The following EPS15 variants were observed in gnomAD, a reference collection of about 807,000 sequenced individuals.
The protein encoded by EPS15 is epidermal growth factor receptor substrate 15.
In EPS15, 72 loss-of-function variants were observed where a neutral mutation model predicts 113.8. That is an observed-to-expected ratio of 0.63 (90% confidence interval 0.52 to 0.77). The LOEUF is 0.77. EPS15 is among the 30% of genes least tolerant of loss of function. The probability of loss-of-function intolerance (pLI) is 0.00; values close to 1 mark genes in which losing one functional copy is unlikely to be tolerated. For synonymous variants in EPS15, 344 were observed against 363.4 expected (o/e 0.95, Z 0.61); for missense variants, 1,048 against 1,045.8 (o/e 1.00, Z -0.03).
chr1:51,395,713 A>C (rs1267185862), intron 20 of EPS15, among the ~76,000 whole-genome samples: 3 of 152,218 alleles, frequency 2.0e-5, no homozygotes, highest in Non-Finnish European at 4.4e-5. Context: ...ATAGTCAAAC[A>C]AATTGTATAT....
intron 20 of EPS15, among the ~76,000 whole-genome samples, chr1:51,398,537 G>A (rs1484979326): frequency 6.6e-6 from 1 of 152,244 alleles, no homozygotes; most frequent in Non-Finnish European, 1.5e-5. Context: ...GATCAGGCAT[G>A]TGGTTATTAA....
intron 6 of EPS15, among the ~76,000 whole-genome samples, chr1:51,464,351 T>C (rs1245690394): frequency 6.6e-6 from 1 of 151,740 alleles, no homozygotes; most frequent in Non-Finnish European, 1.5e-5. Flanking sequence ...GCGATTCTCC[T>C]GCCTCAGCCT....
chr1:51,513,717 A>G (rs1347414591), intron 1 of EPS15, among the ~76,000 whole-genome samples: 1 of 152,220 alleles, frequency 6.6e-6, no homozygotes, highest in Non-Finnish European at 1.5e-5. Flanking sequence ...GATGATAATA[A>G]TAGCTTAGTT....
intron 1 of EPS15, among the ~76,000 whole-genome samples, chr1:51,511,771 G>A (rs563566798): frequency 1.4e-4 from 21 of 152,196 alleles, no homozygotes; most frequent in African/African-American, 4.3e-4. Context: ...TAATATAAAC[G>A]TCTTCCTCCA....
intron 1 of EPS15, among the ~76,000 whole-genome samples, chr1:51,500,518 T>C (rs1644393654): frequency 6.6e-6 from 1 of 152,116 alleles, no homozygotes; most frequent in Non-Finnish European, 1.5e-5. Flanking sequence ...ATTGTGGTTT[T>C]TGTTTGTTTT....
intron 13 of EPS15, among the ~76,000 whole-genome samples, chr1:51,415,715 A>G (rs1650145852): frequency 7.1e-6 from 1 of 141,280 alleles, no homozygotes; most frequent in South Asian, 2.4e-4. Context: ...AGAATCACTT[A>G]AACTTGGGAG....
chr1:51,370,167 AG>A (rs1452401448), intron 21 of EPS15, among the ~76,000 whole-genome samples: 1 of 152,228 alleles, frequency 6.6e-6, no homozygotes, highest in East Asian at 1.9e-4. Flanking sequence ...ATGACTTCAT[AG>A]CCATCATAAT....
intron 1 of EPS15, 46 bp downstream of exon 1, chr1:51,519,152 AG>A (rs775973710): frequency 2.2e-6 from 3 of 1,351,594 alleles, no homozygotes; most frequent in South Asian, 1.5e-5. Flanking sequence ...GCGGTGGGGG[AG>A]GGGGCACCGG....
intron 11 of EPS15, 48 bp from the exon 12 acceptor site, chr1:51,440,480 T>C (rs1652510651): frequency 1.1e-6 from 1 of 891,712 alleles, no homozygotes; most frequent in South Asian, 1.8e-5. Flanking sequence ...AATTAGGTAA[T>C]ATAAGACAAA....
At chr1:51,380,273 G>C (rs189452426) in intron 21 of EPS15, among the ~76,000 whole-genome samples, 2 of 151,706 alleles carry the variant, frequency 1.3e-5, no homozygotes, top group Non-Finnish European at 2.9e-5. Context: ...CATTCAAGTT[G>C]AAATGAAAGG....
Position 51,481,258 on chromosome 1 carries a change from A to C in EPS15, c.75+15T>G, listed in dbSNP as rs377701588. The C allele has an allele frequency of 7.6e-7, 1 of 1,312,524 alleles. No homozygotes were observed. Among genetic ancestry groups the C allele is most frequent in the Non-Finnish European group, 1.1e-6 (1 of 907,924 alleles). The allele number at this position is 1,312,524 out of a possible 1,614,324, so 81.3% of individuals were successfully genotyped here. On this transcript the variant is annotated intron_variant, in intron 2 of 24. Coordinates refer to ENST00000371733, the MANE Select transcript of EPS15 (RefSeq NM_001981.3). Reference sequence around the variant, plus strand: ...TAATGTTCAATCCAGGCAAACAATGAAACAAAAATCTTACCTGTCTATAGT... The same window carrying C: ...TAATGTTCAATCCAGGCAAACAATGCAACAAAAATCTTACCTGTCTATAGT...
At chr1:51,402,062 G>A (rs983603344) in intron 18 of EPS15, among the ~76,000 whole-genome samples, 8 of 152,060 alleles carry the variant, frequency 5.3e-5, no homozygotes, top group Non-Finnish European at 1.0e-4. Context: ...GCTTGAATCC[G>A]GGAGGCAGAA....
chr1:51,391,686 C>T (rs1278219175), intron 21 of EPS15, among the ~76,000 whole-genome samples: 3 of 151,812 alleles, frequency 2.0e-5, no homozygotes, highest in Non-Finnish European at 4.4e-5. Flanking sequence ...AAAGTGCAGG[C>T]CACTGTAAGG....
chr1:51,421,825 C>G lies in EPS15; in HGVS notation c.1074G>C (p.Glu358Asp), dbSNP rs775198549. The G allele has an allele frequency of 3.1e-6, 5 of 1,608,160 alleles. No homozygotes were observed. In the East Asian group the frequency reaches 1.1e-4, roughly 36 times the overall value. Residue 358 changes from glutamate (E) to aspartate (D), a missense_variant, in exon 13 of 25, where the codon GAG (glutamate) becomes GAC (aspartate). Physicochemically the swap from Glu to Asp is conservative, Grantham distance 45. Transcript: ENST00000371733. ...EKNNVEQDLK[E>D]KEDTIKQRTS... Reference sequence around the variant, plus strand: ...TCCTCTGTTTAATAGTATCTTCCTTCTCCTTAAGGTCCTGTTCCACATTAT... The same window carrying G: ...TCCTCTGTTTAATAGTATCTTCCTTGTCCTTAAGGTCCTGTTCCACATTAT...
chr1:51,428,967 C>G (rs537834978), intron 12 of EPS15, among the ~76,000 whole-genome samples: 2 of 152,116 alleles, frequency 1.3e-5, no homozygotes, highest in East Asian at 3.9e-4. Flanking sequence ...TCATAGCTCA[C>G]TGCATCCTCG....
At chr1:51,427,416 G>A (rs958392568) in intron 12 of EPS15, among the ~76,000 whole-genome samples, 2 of 152,172 alleles carry the variant, frequency 1.3e-5, no homozygotes, top group African/African-American at 2.4e-5. Flanking sequence ...TCATTAAGAA[G>A]CTCTTAATTC....
intron 13 of EPS15, among the ~76,000 whole-genome samples, chr1:51,414,508 G>T (rs966749048): frequency 2.0e-5 from 3 of 151,820 alleles, no homozygotes; most frequent in Admixed American, 2.0e-4. Flanking sequence ...CAATATGCTG[G>T]TCCCAAAAGC....
intron 21 of EPS15, among the ~76,000 whole-genome samples, chr1:51,377,264 C>CAAACA (rs945967744): frequency 1.3e-5 from 2 of 152,150 alleles, no homozygotes; most frequent in East Asian, 1.9e-4. Flanking sequence ...AACTCCGTCT[C>CAAACA]AAACAAAACA....
chr1:51,456,263 A>T (rs1307973490), intron 8 of EPS15, among the ~76,000 whole-genome samples: 1 of 152,230 alleles, frequency 6.6e-6, no homozygotes, highest in African/African-American at 2.4e-5. Flanking sequence ...TCTTTTAAAA[A>T]ATCTATACTG....
Sources: allele counts gnomAD v4.1 joint callset (sites outside exome capture counted in the v4.1 genomes callset), GRCh38; gene constraint gnomAD v4.1.1; transcripts MANE v1.5; gene names NCBI Gene and HGNC (gene_info 2026-07-23, HGNC 2026-07-21).